Variants in UNC5C observed in about 807,000 individuals in gnomAD.
The protein encoded by UNC5C is unc-5 netrin receptor C, also known as netrin receptor UNC5C.
Under a neutral mutation model 99.8 loss-of-function variants are expected in UNC5C, and 47 were observed. The observed-to-expected ratio is 0.47, with a 90% CI of 0.37 to 0.60. UNC5C has a LOEUF of 0.60. Ranked by LOEUF, UNC5C falls within the 20% of genes least tolerant of loss-of-function variation. The probability of loss-of-function intolerance (pLI) is 0.00; values close to 1 mark genes in which losing one functional copy is unlikely to be tolerated. For synonymous variants in UNC5C, 487 were observed against 452.2 expected (o/e 1.08, Z -0.98); for missense variants, 1,062 against 1,165.9 (o/e 0.91, Z 1.30).
At chr4:95,505,847 G>A (rs1484053245) in intron 1 of UNC5C, among the ~76,000 whole-genome samples, 2 of 152,030 alleles carry the variant, frequency 1.3e-5, no homozygotes, top group Non-Finnish European at 2.9e-5. Context: ...TCTAGAAAGA[G>A]TAGGAGTAAG....
chr4:95,484,255 TCAAAGATTTTGAG>T (rs1721262062), intron 1 of UNC5C, among the ~76,000 whole-genome samples: 5 of 151,842 alleles, frequency 3.3e-5, no homozygotes, highest in African/African-American at 1.2e-4. Context: ...ATGCATCCAT[TCAAAGATTTTGAG>T]CAAAGGAGTG....
intron 1 of UNC5C, among the ~76,000 whole-genome samples, chr4:95,541,529 T>C (rs1722920395): frequency 6.6e-6 from 1 of 152,216 alleles, no homozygotes; most frequent in South Asian, 2.1e-4. Flanking sequence ...CCCCATTAGA[T>C]TGCACTAAAC....
chr4:95,303,905 G>A (rs1741966048), intron 2 of UNC5C, among the ~76,000 whole-genome samples: 4 of 152,084 alleles, frequency 2.6e-5, no homozygotes, highest in Admixed American at 2.6e-4. Context: ...TTGATTATAG[G>A]TGACAGGAGA....
chr4:95,180,094 G>T (rs1347506494), intron 14 of UNC5C, among the ~76,000 whole-genome samples: 2 of 152,116 alleles, frequency 1.3e-5, no homozygotes, highest in Non-Finnish European at 2.9e-5. Context: ...GGTGAACATA[G>T]ATTAAGCATG....
At chr4:95,256,729 T>TATATATATA (rs1553958346) in intron 4 of UNC5C, among the ~76,000 whole-genome samples, 2 of 146,242 alleles carry the variant, frequency 1.4e-5, no homozygotes, top group African/African-American at 5.0e-5. Context: ...TATGAGTTTA[T>TATATATATA]TAAGTATTAA....
chr4:95,511,070 A>G (rs911133545), intron 1 of UNC5C, among the ~76,000 whole-genome samples: 2 of 152,262 alleles, frequency 1.3e-5, no homozygotes, highest in South Asian at 4.1e-4. Flanking sequence ...AATAGCTGGG[A>G]AGCTCTTTCA....
chr4:95,163,928 G>A lies in UNC5C; in HGVS notation c.*5306C>T, dbSNP rs1450839307. The A allele has an allele frequency of 6.6e-6, 1 of 152,252 alleles. No homozygotes were observed. The highest frequency in any genetic ancestry group is 1.5e-5 in the Non-Finnish European group (1 of 68,070). 9.4% of individuals were successfully genotyped at this position (152,252 alleles called of 1,614,324 possible). Reference sequence around the variant, plus strand: ...CTTGCTGTGCCAGTACACTTGCGGAGTACCTGTTGGTTTGTCCTGCTGATG... The same window carrying A: ...CTTGCTGTGCCAGTACACTTGCGGAATACCTGTTGGTTTGTCCTGCTGATG... On this transcript the variant is annotated 3_prime_UTR_variant, in exon 16 of 16. Transcript: ENST00000453304.
At chr4:95,414,090 T>G (rs1746088116) in intron 1 of UNC5C, among the ~76,000 whole-genome samples, 1 of 152,186 alleles carries the variant, frequency 6.6e-6, no homozygotes, top group Non-Finnish European at 1.5e-5. Context: ...CCAGGTTAAT[T>G]TATTCAATAG....
intron 1 of UNC5C, among the ~76,000 whole-genome samples, chr4:95,520,179 C>T (rs1031538940): frequency 6.6e-6 from 1 of 152,150 alleles, no homozygotes; most frequent in African/African-American, 2.4e-5. Flanking sequence ...CTAGATCTTT[C>T]TACAGATCAT....
chr4:95,388,272 A>G (rs1745265686), intron 1 of UNC5C, among the ~76,000 whole-genome samples: 1 of 152,242 alleles, frequency 6.6e-6, no homozygotes, highest in African/African-American at 2.4e-5. Flanking sequence ...TTTGCAGAAC[A>G]TAAAATAATA....
chr4:95,189,631 A>G (rs999214638), intron 12 of UNC5C, among the ~76,000 whole-genome samples: 2 of 152,008 alleles, frequency 1.3e-5, no homozygotes, highest in Admixed American at 1.3e-4. Flanking sequence ...AATGAACTCA[A>G]ACAAATTTAC....
chr4:95,479,440 C>T (rs1721065975), intron 1 of UNC5C, among the ~76,000 whole-genome samples: 1 of 151,910 alleles, frequency 6.6e-6, no homozygotes, highest in South Asian at 2.1e-4. Context: ...CTGCTATGCA[C>T]CCAGGATTGA....
At chr4:95,290,484 G>A (rs1741402728) in intron 3 of UNC5C, among the ~76,000 whole-genome samples, 3 of 152,148 alleles carry the variant, frequency 2.0e-5, no homozygotes, top group Non-Finnish European at 4.4e-5. Context: ...CAATGAACTG[G>A]ACTGCAAAGA....
intron 7 of UNC5C, among the ~76,000 whole-genome samples, chr4:95,231,726 A>T (rs1341729775): frequency 2.6e-5 from 4 of 152,200 alleles, no homozygotes; most frequent in Non-Finnish European, 4.4e-5. Flanking sequence ...GTCAGCTCTT[A>T]TCTAGCAAAC....
intron 1 of UNC5C, among the ~76,000 whole-genome samples, chr4:95,439,383 GTT>G (rs3069229): frequency 1.4e-5 from 2 of 144,446 alleles, no homozygotes. Flanking sequence ...TGAGGTTTTG[GTT>G]TTTTTTTTTT....
At position 95,335,425 on chromosome 4, in the gene UNC5C, C is replaced by A. The variant is rs535556662; in HGVS notation, c.331G>T (p.Val111Leu). 3.1e-6 allele frequency: 5 copies of A among 1,611,154 alleles called. No individual in the cohort carries two copies. In the South Asian group the frequency reaches 5.5e-5, roughly 18 times the overall value. The change falls in exon 2 of 16, where the codon GTA becomes TTA. Residue 111 changes from valine to leucine, a missense_variant. By Grantham distance (32) the Val-to-Leu change is conservative. This residue lies in a region of UNC5C where 249 missense variants were observed against 295.1 expected (regional missense o/e 0.84). Coordinates refer to ENST00000453304, the MANE Select transcript of UNC5C (RefSeq NM_003728.4). Reference sequence around the variant, plus strand: ...GAAAACTCACCGGAAGTTTCATCTACTCTTTCATCTACTATGTGGTCCTTC... The same window carrying A: ...GAAAACTCACCGGAAGTTTCATCTAATCTTTCATCTACTATGTGGTCCTTC... ...HQKDHIVDER[V>L]DETSGLIVRE...
chr4:95,487,135 A>G (rs537393523), intron 1 of UNC5C, among the ~76,000 whole-genome samples: 1 of 151,796 alleles, frequency 6.6e-6, no homozygotes, highest in East Asian at 2.0e-4. Flanking sequence ...TAAATTACCC[A>G]TTCTGTGGTA....
chr4:95,389,200 T>C (rs1745289681), intron 1 of UNC5C, among the ~76,000 whole-genome samples: 1 of 152,118 alleles, frequency 6.6e-6, no homozygotes, highest in South Asian at 2.1e-4. Flanking sequence ...CCACAAAACA[T>C]GCAAAGCTGT....
chr4:95,212,622 G>A (rs2149364780), intron 10 of UNC5C, among the ~76,000 whole-genome samples: 1 of 152,008 alleles, frequency 6.6e-6, no homozygotes, highest in South Asian at 2.1e-4. Context: ...CATTTTCTCG[G>A]CTGGAGGTTC....
Sources: allele counts gnomAD v4.1 joint callset (sites outside exome capture counted in the v4.1 genomes callset), GRCh38; gene constraint gnomAD v4.1.1; regional missense constraint gnomAD v4.1.1; transcripts MANE v1.5; gene names NCBI Gene and HGNC (gene_info 2026-07-23, HGNC 2026-07-21).